Variants in CYP3A5 observed in about 807,000 individuals in gnomAD.
CYP3A5 encodes the protein cytochrome P450 3A5.
Under a neutral mutation model 55.9 loss-of-function variants are expected in CYP3A5, and 51 were observed. That is an observed-to-expected ratio of 0.91 (90% CI 0.73 to 1.15). CYP3A5 has a LOEUF of 1.15. Ranked by LOEUF, CYP3A5 falls within the 50% of genes most tolerant of loss-of-function variation. The pLI is 0.00. For synonymous variants in CYP3A5, 196 were observed against 213.9 expected (o/e 0.92, Z 0.73); for missense variants, 533 against 596.6 (o/e 0.89, Z 1.11).
At chr7:99,649,614 G>C (rs1360932885) in intron 12 of CYP3A5, among the ~76,000 whole-genome samples, 2 of 152,146 alleles carry the variant, frequency 1.3e-5, no homozygotes, top group Non-Finnish European at 2.9e-5. Context: ...GGGTTAATTA[G>C]TTTAGAATTT....
At chr7:99,656,005 T>C (rs970266441) in intron 10 of CYP3A5, among the ~76,000 whole-genome samples, 5 of 152,236 alleles carry the variant, frequency 3.3e-5, no homozygotes, top group Non-Finnish European at 5.9e-5. Flanking sequence ...TTTCTAGATA[T>C]ACAATCATGT....
At chr7:99,664,255 C>T (rs1325215872) in intron 7 of CYP3A5, among the ~76,000 whole-genome samples, 160 bp from the exon 8 acceptor site, 2 of 152,216 alleles carry the variant, frequency 1.3e-5, no homozygotes, top group African/African-American at 4.8e-5. Flanking sequence ...AGGCCGGCGA[C>T]TGAGCAAGGG....
At chr7:99,656,763 G>A (rs886586178) in intron 10 of CYP3A5, among the ~76,000 whole-genome samples, 3 of 152,154 alleles carry the variant, frequency 2.0e-5, no homozygotes, top group African/African-American at 7.2e-5. Context: ...TTCAGAACCT[G>A]TTATTGGTCT....
At chr7:99,651,099 A>G (rs1809136453) in intron 11 of CYP3A5, among the ~76,000 whole-genome samples, 1 of 152,322 alleles carries the variant, frequency 6.6e-6, no homozygotes, top group Non-Finnish European at 1.5e-5. Flanking sequence ...AAATAACATG[A>G]TAGTCAGGAG....
At chr7:99,672,538 G>C (rs190526988) in intron 4 of CYP3A5, 42 bp downstream of exon 4, 2 of 1,503,606 alleles carry the variant, frequency 1.3e-6, no homozygotes, top group Admixed American at 3.4e-5. Context: ...AATTTAATCA[G>C]TGGATCAATC....
chr7:99,665,144 A>G, intron 7 of CYP3A5, 22 bp downstream of exon 7: 1 of 1,555,900 alleles, frequency 6.4e-7, no homozygotes, highest in South Asian at 1.2e-5. Flanking sequence ...AAAAAGAGAG[A>G]AAGAAATAAT....
chr7:99,671,690 A>G (rs1811646641), intron 4 of CYP3A5: 1 of 621,982 alleles, frequency 1.6e-6, no homozygotes, highest in Non-Finnish European at 2.9e-6. Flanking sequence ...TTCAGACTTA[A>G]CACCAAAAGA....
chr7:99,678,185 C>G (rs550095781), intron 1 of CYP3A5, among the ~76,000 whole-genome samples: 1 of 152,374 alleles, frequency 6.6e-6, no homozygotes, highest in African/African-American at 2.4e-5. Flanking sequence ...CGGCCCACAA[C>G]ATGGCAGACC....
chr7:99,679,477 G>A (rs186934656), intron 1 of CYP3A5, among the ~76,000 whole-genome samples: 1 of 152,276 alleles, frequency 6.6e-6, no homozygotes, highest in Admixed American at 6.5e-5. Flanking sequence ...CTGGGAAGGG[G>A]ATGAGGATCA....
intron 1 of CYP3A5, among the ~76,000 whole-genome samples, chr7:99,678,674 G>A (rs1045417904): frequency 1.4e-4 from 21 of 152,154 alleles, no homozygotes; most frequent in African/African-American, 5.1e-4. Context: ...AAAAATTCTG[G>A]TTTAAAAATG....
intron 1 of CYP3A5, among the ~76,000 whole-genome samples, chr7:99,678,892 T>C (rs1010787660): frequency 6.6e-6 from 1 of 152,140 alleles, no homozygotes; most frequent in Non-Finnish European, 1.5e-5. Context: ...CTACCCACAG[T>C]GGAAAGTAAC....
intron 1 of CYP3A5, chr7:99,676,422 G>C: frequency 6.7e-7 from 1 of 1,486,776 alleles, no homozygotes; most frequent in African/African-American, 1.4e-5. Context: ...TTAGCTGAAA[G>C]CAGCTGAAGT....
chr7:99,678,953 TTG>T (rs1812555580), intron 1 of CYP3A5, among the ~76,000 whole-genome samples: 2 of 152,192 alleles, frequency 1.3e-5, no homozygotes, highest in African/African-American at 4.8e-5. Context: ...GTGAGAGGGT[TTG>T]CCCTCCTGTA....
chr7:99,675,310 AAAG>A (rs1277205874), intron 2 of CYP3A5, among the ~76,000 whole-genome samples: 1 of 152,206 alleles, frequency 6.6e-6, no homozygotes, highest in Non-Finnish European at 1.5e-5. Context: ...TAACCATGCA[AAAG>A]AAGGTCCCAG....
intron 7 of CYP3A5, 81 bp downstream of exon 7, chr7:99,665,085 G>T: frequency 8.4e-7 from 1 of 1,193,856 alleles, no homozygotes. Context: ...CTTTTAAGTG[G>T]ATGAATTATA....
intron 3 of CYP3A5, chr7:99,672,931 G>T (rs539804740): frequency 1.6e-6 from 2 of 1,268,950 alleles, no homozygotes; most frequent in South Asian, 4.6e-5. Context: ...AGACAAAAGA[G>T]CTCTTTAAAG....
chr7:99,675,881 G>A (rs780548055), intron 2 of CYP3A5, among the ~76,000 whole-genome samples: 3 of 150,180 alleles, frequency 2.0e-5, no homozygotes, highest in Non-Finnish European at 4.4e-5. Flanking sequence ...TCTTTCTAGA[G>A]ACAGGTGTCT....
intron 4 of CYP3A5, among the ~76,000 whole-genome samples, chr7:99,667,300 C>G (rs559729025): frequency 6.6e-6 from 1 of 152,178 alleles, no homozygotes; most frequent in Admixed American, 6.5e-5. Context: ...TCTCCTGCCT[C>G]TATATCTCAG....
Position 99,652,532 on chromosome 7 carries a change from CA to C in CYP3A5, c.1253+20del. The C allele has an allele frequency of 1.9e-6, 3 of 1,565,478 alleles. No individual in the cohort carries two copies. Among genetic ancestry groups the C allele is most frequent in the Non-Finnish European group, 2.6e-6 (3 of 1,147,940 alleles). ...AACCAGCCTGGGTCAGGGTGAGCTC[CA>C]TTTCCCTGGAGACTTGTACCTTTCA... On this transcript the variant is annotated intron_variant, in intron 11 of 12. Coordinates refer to ENST00000222982, the MANE Select transcript of CYP3A5 (RefSeq NM_000777.5).
Sources: gnomAD v4.1 joint callset for allele counts (sites outside exome capture counted in the v4.1 genomes callset) on GRCh38, gnomAD v4.1.1 for gene constraint, MANE v1.5 for transcripts, NCBI Gene and HGNC (gene_info 2026-07-23, HGNC 2026-07-21) for gene names.